KCNJ4: variants seen among roughly 807,000 people sequenced by gnomAD.
KCNJ4 encodes inward rectifier potassium channel 4.
KCNJ4 carries 3 observed loss-of-function variants against 25.6 expected under a neutral mutation model. The observed-to-expected ratio is 0.12, with a 90% CI of 0.05 to 0.30. KCNJ4 has a LOEUF of 0.30. KCNJ4 is among the 10% of genes least tolerant of loss of function. The pLI, the probability that KCNJ4 is intolerant of heterozygous loss-of-function variation, is 1.00. For missense variants in KCNJ4, 286 were observed against 666.8 expected, an observed-to-expected ratio of 0.43 and a Z score of 6.29; for synonymous variants, 257 against 283.9, an observed-to-expected ratio of 0.91 and a Z score of 0.95.
chr22:38,434,597 C>T (rs78030779), intron 1 of KCNJ4, among the ~76,000 whole-genome samples: 1,812 of 152,214 alleles, frequency 0.012, 39 homozygotes, highest in African/African-American at 0.041. Context: ...GGTCCCCAGC[C>T]TCTGGCTTCG....
chr22:38,434,995 T>C (rs1011808985), intron 1 of KCNJ4, among the ~76,000 whole-genome samples: 1 of 152,156 alleles, frequency 6.6e-6, no homozygotes, highest in Non-Finnish European at 1.5e-5. Flanking sequence ...ATAATGGTGA[T>C]GACAAAGATG....
chr22:38,446,258 A>G (rs2145946178), intron 1 of KCNJ4, among the ~76,000 whole-genome samples: 1 of 152,242 alleles, frequency 6.6e-6, no homozygotes, highest in East Asian at 1.9e-4. Flanking sequence ...TGTCTCAGGG[A>G]GCCGGGACAG....
chr22:38,426,363 A>G lies in KCNJ4; in HGVS notation c.*432T>C, dbSNP rs1259855764. On this transcript the variant is annotated 3_prime_UTR_variant, in exon 2 of 2. Transcript: ENST00000303592. ...CATCTGTCTCCATTTATAGATATTTACAAAAGAAAGTCATGAGCAACAGGC... is the reference window on the plus strand; with the variant it reads ...CATCTGTCTCCATTTATAGATATTTGCAAAAGAAAGTCATGAGCAACAGGC... The G allele has an allele frequency of 6.1e-6, 1 of 164,378 alleles. No homozygotes were observed. The highest frequency in any genetic ancestry group is 1.3e-5 in the Non-Finnish European group (1 of 76,286). The allele number at this position is 164,378 out of a possible 1,614,324, so 10.2% of individuals were successfully genotyped here. A position where few individuals can be genotyped will look rare whatever the true frequency, so the allele number is the denominator to read the frequency against.
At chr22:38,450,117 G>A (rs1220058937) in intron 1 of KCNJ4, among the ~76,000 whole-genome samples, 1 of 152,234 alleles carries the variant, frequency 6.6e-6, no homozygotes, top group Non-Finnish European at 1.5e-5. Context: ...GTAGCGAGGG[G>A]AAGAGGGAAC....
intron 1 of KCNJ4, among the ~76,000 whole-genome samples, chr22:38,444,134 T>C (rs2145944623): frequency 6.6e-6 from 1 of 152,282 alleles, no homozygotes; most frequent in East Asian, 1.9e-4. Context: ...AGCTCTCAGA[T>C]CTTCCTGGCA....
intron 1 of KCNJ4, among the ~76,000 whole-genome samples, chr22:38,451,283 A>C (rs1673954192): frequency 6.6e-6 from 1 of 152,110 alleles, no homozygotes; most frequent in Non-Finnish European, 1.5e-5. Flanking sequence ...GCTCTGCTTG[A>C]ATACCTCTAG....
rs183753328 is a variant in KCNJ4 at position 38,443,821 on chromosome 22, A to G, written c.-40+11159T>C. ...AGCCTCCACCCACCTCCCGCAGTCC[A>G]TCTCCACATCACTCCCTGCTCAGAG... On this transcript the variant is annotated intron_variant, in intron 1 of 1. Transcript: ENST00000303592. The surrounding 1 kb of genome is among the most constrained non-coding windows in gnomAD (Gnocchi z 4.1). Among the ~76,000 whole-genome samples, 2 of 151,892 alleles carry G rather than the reference A, an allele frequency of 1.3e-5. No homozygotes were observed. The highest frequency in any genetic ancestry group is 4.8e-5 in the African/African-American group (2 of 41,352).
chr22:38,452,915 C>G (rs2089418606), intron 1 of KCNJ4, among the ~76,000 whole-genome samples: 1 of 151,546 alleles, frequency 6.6e-6, no homozygotes. Context: ...CTGTTTCCCA[C>G]CGCCGCTAGT....
chr22:38,449,696 A>G lies in KCNJ4; in HGVS notation c.-40+5284T>C, dbSNP rs2145948772. Among the ~76,000 whole-genome samples the G allele has an allele frequency of 1.3e-5, 2 of 152,354 alleles. No individual in the cohort carries two copies. Among genetic ancestry groups the G allele is most frequent in the South Asian group, 4.1e-4 (2 of 4,830 alleles). Reference sequence around the variant, plus strand: ...CCCAACAGAGAACAGTGGTCTTAGAATCAGGCAAAACCCATCCATTCAAAT... The same window carrying G: ...CCCAACAGAGAACAGTGGTCTTAGAGTCAGGCAAAACCCATCCATTCAAAT... On this transcript the variant is annotated intron_variant, in intron 1 of 1. Transcript: ENST00000303592. This position sits in a 1 kb window ranked among gnomAD's most constrained non-coding sequence, Gnocchi z 5.2.
At chr22:38,439,543 A>T (rs2089316984) in intron 1 of KCNJ4, among the ~76,000 whole-genome samples, 1 of 152,056 alleles carries the variant, frequency 6.6e-6, no homozygotes, top group Non-Finnish European at 1.5e-5. Flanking sequence ...TTGGGAGGCC[A>T]AGGCAGGCAG....
chr22:38,449,064 G>T lies in KCNJ4; in HGVS notation c.-40+5916C>A, dbSNP rs1165743839. On this transcript the variant is annotated intron_variant, in intron 1 of 1. Transcript: ENST00000303592. This position sits in a 1 kb window ranked among gnomAD's most constrained non-coding sequence, Gnocchi z 5.2. ...CCTCTTGACCTGCCAATGTCTCTCT[G>T]GGGCACCTCACCCTCCCCTGCCTGC... Among the ~76,000 whole-genome samples, 1 of 152,122 alleles carries T rather than the reference G, an allele frequency of 6.6e-6. No homozygotes were observed. Among genetic ancestry groups the T allele is most frequent in the Non-Finnish European group, 1.5e-5 (1 of 68,004 alleles).
intron 1 of KCNJ4, among the ~76,000 whole-genome samples, chr22:38,448,097 G>C (rs111450546): frequency 1.7e-4 from 26 of 149,718 alleles, no homozygotes; most frequent in African/African-American, 6.4e-4. Flanking sequence ...AAAGAAAAAA[G>C]TAGCCGGGCA....
chr22:38,431,756 C>T (rs1001494083), intron 1 of KCNJ4, among the ~76,000 whole-genome samples: 4 of 152,224 alleles, frequency 2.6e-5, no homozygotes, highest in African/African-American at 9.7e-5. Context: ...GCTGCTAATT[C>T]GAGGCTGACC....
At chr22:38,432,280 T>TAAATAAAATA (rs754695106) in intron 1 of KCNJ4, among the ~76,000 whole-genome samples, 48 of 147,212 alleles carry the variant, frequency 3.3e-4, no homozygotes, top group South Asian at 1.1e-3. Flanking sequence ...AATAAATAAA[T>TAAATAAAATA]AAATAAAATA....
At chr22:38,447,367 C>T (rs577056361) in intron 1 of KCNJ4, among the ~76,000 whole-genome samples, 21 of 152,242 alleles carry the variant, frequency 1.4e-4, no homozygotes, top group South Asian at 6.2e-4. Flanking sequence ...TCCATGGGCA[C>T]GAGGTTTGAA....
intron 1 of KCNJ4, among the ~76,000 whole-genome samples, chr22:38,446,834 T>A (rs393294): frequency 0.14 from 20,713 of 151,782 alleles, 2,738 homozygotes; most frequent in African/African-American, 0.35. Context: ...TGCGCACCTG[T>A]AGTCCTAGCT....
chr22:38,446,668 C>T (rs2089376447), intron 1 of KCNJ4, among the ~76,000 whole-genome samples: 1 of 152,102 alleles, frequency 6.6e-6, no homozygotes, highest in Non-Finnish European at 1.5e-5. Flanking sequence ...GAAACAGATG[C>T]AAAGGGCCAG....
intron 1 of KCNJ4, among the ~76,000 whole-genome samples, chr22:38,444,180 C>T (rs1157670768): frequency 3.3e-5 from 5 of 152,190 alleles, no homozygotes. Context: ...TCTGCAACAT[C>T]ATTACAGGCA....
chr22:38,450,387 G>A (rs899648319), intron 1 of KCNJ4, among the ~76,000 whole-genome samples: 1 of 152,114 alleles, frequency 6.6e-6, no homozygotes, highest in African/African-American at 2.4e-5. Context: ...GAGAGGGTGA[G>A]GGACTGACCT....
Sources: allele counts gnomAD v4.1 joint callset (sites outside exome capture counted in the v4.1 genomes callset), GRCh38; gene constraint gnomAD v4.1.1; non-coding constraint Gnocchi (gnomAD v3.1); transcripts MANE v1.5; gene names NCBI Gene and HGNC (gene_info 2026-07-23, HGNC 2026-07-21).